Variants in PM20D2 observed in about 807,000 individuals in gnomAD.
The protein encoded by PM20D2 is xaa-Arg dipeptidase.
PM20D2 carries 33 observed loss-of-function variants against 42.9 expected under a neutral mutation model. The ratio of observed to expected loss-of-function variants is 0.77; its 90% CI spans 0.58 to 1.03. The LOEUF is 1.03. PM20D2 is among the 50% of genes least tolerant of loss of function. PM20D2 has a pLI of 0.00. For missense variants in PM20D2, 548 were observed against 557.0 expected, an observed-to-expected ratio of 0.98 and a Z score of 0.16; for synonymous variants, 250 against 228.2, an observed-to-expected ratio of 1.10 and a Z score of -0.86.
At chr6:89,118,918 C>A in the PM20D2 span, among the ~76,000 whole-genome samples, 1 of 152,244 alleles carries the variant, frequency 6.6e-6, no homozygotes, top group East Asian at 1.9e-4. Context: ...AGCCCATCCC[C>A]TTCTAGTTAG....
At chr6:89,148,984 AT>A (rs200473144) in intron 1 of PM20D2, among the ~76,000 whole-genome samples, 3 of 151,612 alleles carry the variant, frequency 2.0e-5, no homozygotes, top group Non-Finnish European at 2.9e-5. Flanking sequence ...AACTTGTAGT[AT>A]TTTTTTTTAT....
chr6:89,122,376 C>T, the PM20D2 span, among the ~76,000 whole-genome samples: 3 of 152,234 alleles, frequency 2.0e-5, no homozygotes, highest in East Asian at 5.8e-4. Context: ...TCCTAATTAC[C>T]ATGGATAATC....
At chr6:89,155,857 G>A (rs1056182123) in intron 4 of PM20D2, among the ~76,000 whole-genome samples, 5 of 150,608 alleles carry the variant, frequency 3.3e-5, no homozygotes, top group African/African-American at 9.8e-5. Flanking sequence ...GACTACAGGC[G>A]CTTGCCACCA....
chr6:89,165,529 T>C lies in PM20D2; in HGVS notation c.*3266T>C, dbSNP rs1300855289. 6 of 152,216 alleles carry C rather than the reference T, an allele frequency of 3.9e-5. No individual in the cohort carries two copies. The highest frequency in any genetic ancestry group is 3.9e-4 in the Admixed American group (6 of 15,284). The allele number at this position is 152,216 out of a possible 1,614,324, so 9.4% of individuals were successfully genotyped here. On this transcript the variant is annotated 3_prime_UTR_variant, in exon 7 of 7. Transcript: ENST00000275072. ...TTTGTAATAATAGGTACATAAAATG[T>C]GTATGAAAAATCTACAATAAACATG...
At chr6:89,137,242 G>C in the PM20D2 span, among the ~76,000 whole-genome samples, 2 of 152,164 alleles carry the variant, frequency 1.3e-5, no homozygotes, top group Admixed American at 1.3e-4. Flanking sequence ...AAGAATTTCA[G>C]GCTGGATGCA....
At chr6:89,158,724 G>A (rs1440496485) in intron 5 of PM20D2, among the ~76,000 whole-genome samples, 1 of 152,132 alleles carries the variant, frequency 6.6e-6, no homozygotes, top group African/African-American at 2.4e-5. Flanking sequence ...AGTTTCGTTA[G>A]TTTTAATTTT....
the PM20D2 span, among the ~76,000 whole-genome samples, chr6:89,137,183 G>T: frequency 6.9e-6 from 1 of 144,982 alleles, no homozygotes; most frequent in East Asian, 1.9e-4. Context: ...AAAATATACA[G>T]TGAAGCTAAT....
the PM20D2 span, among the ~76,000 whole-genome samples, chr6:89,114,704 G>A: frequency 6.6e-6 from 1 of 152,136 alleles, no homozygotes; most frequent in East Asian, 1.9e-4. Context: ...TCAGAGATCA[G>A]GTGTCACCTG....
At chr6:89,148,556 A>T in intron 1 of PM20D2, 1 of 983,768 alleles carries the variant, frequency 1.0e-6, no homozygotes, top group Non-Finnish European at 1.2e-6. Flanking sequence ...TGCCTGGTTG[A>T]ACTGGTGGAA....
chr6:89,099,198 T>C, the PM20D2 span, among the ~76,000 whole-genome samples: 2 of 151,810 alleles, frequency 1.3e-5, no homozygotes, highest in Non-Finnish European at 2.9e-5. Flanking sequence ...TTCTGAAAAA[T>C]ACACTGCATA....
chr6:89,119,356 T>G, the PM20D2 span, among the ~76,000 whole-genome samples: 1 of 152,208 alleles, frequency 6.6e-6, no homozygotes, highest in Admixed American at 6.5e-5. Flanking sequence ...GGGTCACTTA[T>G]GTTCCCTGAA....
chr6:89,130,080 G>A, the PM20D2 span, among the ~76,000 whole-genome samples: 1 of 143,760 alleles, frequency 7.0e-6, no homozygotes, highest in African/African-American at 2.6e-5. Flanking sequence ...CACTTTTTTT[G>A]TTGTGTCTTG....
the PM20D2 span, chr6:89,106,723 G>C: frequency 2.4e-5 from 7 of 292,236 alleles, no homozygotes; most frequent in Non-Finnish European, 4.1e-5. Flanking sequence ...TACTCTTTAA[G>C]GCTTGCAAGA....
intron 1 of PM20D2, among the ~76,000 whole-genome samples, chr6:89,146,941 G>A (rs1770599731): frequency 1.3e-5 from 2 of 152,350 alleles, no homozygotes; most frequent in South Asian, 4.1e-4. Context: ...GTAACTGAGA[G>A]AGGCAACAGC....
Position 89,162,182 on chromosome 6 carries a change from T to G in PM20D2, c.1230T>G (p.Phe410Leu). 1 of 1,614,114 alleles carries G rather than the reference T, an allele frequency of 6.2e-7. No individual in the cohort carries two copies. Among genetic ancestry groups the G allele is most frequent in the South Asian group, 1.1e-5 (1 of 91,076 alleles). Residue 410 changes from phenylalanine to leucine, a missense_variant, in exon 7 of 7, where the codon TTT becomes TTG. Around this residue, in one of 3 missense-constraint regions of PM20D2, gnomAD observed 71 missense variants for 69.7 expected, o/e 1.02. Coordinates refer to ENST00000275072, the MANE Select transcript of PM20D2 (RefSeq NM_001010853.3). ...ALAMTALDVI[F>L]KPELLEGIRE... ...CAATGACGGCACTGGATGTTATTTT[T>G]AAACCAGAGTTACTGGAAGGAATCA...
At chr6:89,118,726 A>G in the PM20D2 span, among the ~76,000 whole-genome samples, 2 of 152,210 alleles carry the variant, frequency 1.3e-5, no homozygotes, top group Non-Finnish European at 2.9e-5. Context: ...ACTATGCGCC[A>G]GGCACTTAGC....
At chr6:89,110,090 C>CA in the PM20D2 span, among the ~76,000 whole-genome samples, 74 of 145,482 alleles carry the variant, frequency 5.1e-4, 1 homozygote, top group South Asian at 2.6e-3. Context: ...GACTCTGTCT[C>CA]AAAAAAAAAA....
At chr6:89,161,948 G>A (rs1288943618) in intron 6 of PM20D2, 58 bp downstream of exon 6, 9 of 1,511,140 alleles carry the variant, frequency 6.0e-6, no homozygotes, top group Admixed American at 1.7e-5. Flanking sequence ...GGTAGTAGCT[G>A]CCTTTCTGTT....
At chr6:89,140,487 C>T in the PM20D2 span, among the ~76,000 whole-genome samples, 1 of 126,804 alleles carries the variant, frequency 7.9e-6, no homozygotes. Context: ...GAACACATTG[C>T]TTGAGGGATC....
Sources: allele counts gnomAD v4.1 joint callset (sites outside exome capture counted in the v4.1 genomes callset), GRCh38; gene constraint gnomAD v4.1.1; regional missense constraint gnomAD v4.1.1; transcripts MANE v1.5; gene names NCBI Gene and HGNC (gene_info 2026-07-23, HGNC 2026-07-21).